The following GMEB2 variants were observed in gnomAD, a reference collection of about 807,000 sequenced individuals.
The protein encoded by GMEB2 is glucocorticoid modulatory element binding protein 2.
GMEB2 carries 7 observed loss-of-function variants against 45.7 expected under a neutral mutation model. The ratio of observed to expected loss-of-function variants is 0.15; its 90% CI spans 0.09 to 0.29. The LOEUF is 0.29. GMEB2 is among the 10% of genes least tolerant of loss of function. The pLI, the probability that GMEB2 is intolerant of heterozygous loss-of-function variation, is 1.00. For synonymous variants in GMEB2, 322 were observed against 323.6 expected (o/e 1.00, Z 0.05); for missense variants, 582 against 739.2 (o/e 0.79, Z 2.47).
chr20:63,619,341 C>G lies in GMEB2; in HGVS notation c.57G>C (p.Pro19=), dbSNP rs777072550. 6.2e-7 allele frequency: 1 copy of G among 1,612,966 alleles called. No individual in the cohort carries two copies. Among genetic ancestry groups the G allele is most frequent in the Non-Finnish European group, 8.5e-7 (1 of 1,179,820 alleles). ...CACCACTGCCGTCCACTGCAGTGTC[C>G]GGAGTTGTCACAACCACCACCTCCT... ...HMEEVVVVTT[P]DTAVDGSGVE... is the part of the protein sequence containing the mutation. Residue 19 remains proline, a synonymous_variant, in exon 2 of 10, where the codon CCG becomes CCC. Transcript: ENST00000370077. The surrounding 1 kb of genome is among the most constrained non-coding windows in gnomAD (Gnocchi z 4.6).
intron 2 of GMEB2, among the ~76,000 whole-genome samples, chr20:63,618,520 G>A (rs1298419628): frequency 6.6e-6 from 1 of 152,220 alleles, no homozygotes; most frequent in Non-Finnish European, 1.5e-5. Flanking sequence ...CCGCACAGGG[G>A]TTGGCAGTCT....
intron 4 of GMEB2, among the ~76,000 whole-genome samples, chr20:63,598,739 T>G (rs2083218858): frequency 6.6e-6 from 1 of 152,172 alleles, no homozygotes. Flanking sequence ...CTCATGCGGC[T>G]GATCAGGGAG....
chr20:63,611,238 C>G (rs955740548), intron 2 of GMEB2, among the ~76,000 whole-genome samples: 7 of 152,248 alleles, frequency 4.6e-5, no homozygotes, highest in African/African-American at 1.7e-4. Flanking sequence ...CATCCCAGAC[C>G]CGGCTCTTGT....
rs1378332429 is a variant in GMEB2 at position 63,588,259 on chromosome 20, C to G, written c.*1830G>C. 6.5e-6 allele frequency: 1 copy of G among 153,552 alleles called. No individual in the cohort carries two copies. Among genetic ancestry groups the G allele is most frequent in the African/African-American group, 2.4e-5 (1 of 41,508 alleles). The allele number at this position is 153,552 out of a possible 1,614,324, so 9.5% of individuals were successfully genotyped here. A position where few individuals can be genotyped will look rare whatever the true frequency, so the allele number is the denominator to read the frequency against. On this transcript the variant is annotated 3_prime_UTR_variant, in exon 10 of 10. Transcript: ENST00000370077. ...ATGAACCCACAACCCACTGGAAGTTCTGTTGACGAGGGCTGTCAAGGCAGA... is the reference window on the plus strand; with the variant it reads ...ATGAACCCACAACCCACTGGAAGTTGTGTTGACGAGGGCTGTCAAGGCAGA...
intron 5 of GMEB2, among the ~76,000 whole-genome samples, chr20:63,596,815 C>T (rs919921369): frequency 3.3e-5 from 5 of 152,126 alleles, no homozygotes; most frequent in East Asian, 3.8e-4. Context: ...GTCAAGTGTT[C>T]GAGACCAGCC....
chr20:63,619,560 C>T lies in GMEB2; in HGVS notation c.-57-106G>A. 1.7e-6 allele frequency: 1 copy of T among 588,458 alleles called. No individual in the cohort carries two copies. Among genetic ancestry groups the T allele is most frequent in the South Asian group, 2.4e-5 (1 of 41,400 alleles). The allele number at this position is 588,458 out of a possible 1,614,324, so 36.5% of individuals were successfully genotyped here. ...CAGCTCCAAAGACCCACCCTTGAGT[C>T]CCAGACTGCTACCTCCTGACAAAAA... On this transcript the variant is annotated intron_variant, in intron 1 of 9. Transcript: ENST00000370077. This position sits in a 1 kb window ranked among gnomAD's most constrained non-coding sequence, Gnocchi z 4.6.
Position 63,595,727 on chromosome 20 carries a change from C to G in GMEB2, c.502G>C (p.Asp168His). The G allele has an allele frequency of 6.2e-7, 1 of 1,613,522 alleles. No individual in the cohort carries two copies. The highest frequency in any genetic ancestry group is 8.5e-7 in the Non-Finnish European group (1 of 1,179,436). Residue 168 changes from aspartate (D) to histidine (H), a missense_variant, in exon 6 of 10, where the codon GAC (aspartate) becomes CAC (histidine). Coordinates refer to ENST00000370077, the MANE Select transcript of GMEB2 (RefSeq NM_012384.5). ...CGGCAGGTGTTGGAGCAGACCTTGT[C>G]ATGCTGGTAGAAGTCCAGTTCCCCG... ...DSGELDFYQH[D>H]KVCSNTCRST...
chr20:63,604,914 A>G (rs927582933), intron 2 of GMEB2, 74 bp from the exon 3 acceptor site: 2 of 861,536 alleles, frequency 2.3e-6, no homozygotes, highest in African/African-American at 3.3e-5. Context: ...TATTTTCCTG[A>G]CAGCGCTTTG....
chr20:63,624,500 TC>T (rs1369819282), intron 1 of GMEB2, among the ~76,000 whole-genome samples: 1 of 152,086 alleles, frequency 6.6e-6, no homozygotes. Flanking sequence ...TGCTGACTTC[TC>T]GGGGTTTAAC....
At chr20:63,610,122 T>C (rs2089557914) in intron 2 of GMEB2, among the ~76,000 whole-genome samples, 1 of 152,210 alleles carries the variant, frequency 6.6e-6, no homozygotes. Context: ...GGGGAGATGA[T>C]GTGGAGAAGC....
At chr20:63,610,809 C>G (rs1384552479) in intron 2 of GMEB2, among the ~76,000 whole-genome samples, 2 of 152,212 alleles carry the variant, frequency 1.3e-5, no homozygotes, top group Non-Finnish European at 1.5e-5. Flanking sequence ...TCCATCAAGA[C>G]AGGGGGCTAT....
chr20:63,592,460 G>T lies in GMEB2; in HGVS notation c.829+73C>A. The stretch of plus-strand genomic sequence containing the variant: ...AGCACAGAAGGGCCTAGGGGCAGGA[G>T]GGCCAGTGGCCTCACCTCCTGCAGA... On this transcript the variant is annotated intron_variant, in intron 8 of 9. Transcript: ENST00000370077. The surrounding 1 kb of genome is among the most constrained non-coding windows in gnomAD (Gnocchi z 8.2). 1 of 1,190,856 alleles carries T rather than the reference G, an allele frequency of 8.4e-7. No individual in the cohort carries two copies. Among genetic ancestry groups the T allele is most frequent in the Non-Finnish European group, 1.2e-6 (1 of 825,470 alleles). 73.8% of individuals were successfully genotyped at this position (1,190,856 alleles called of 1,614,324 possible). A position where few individuals can be genotyped will look rare whatever the true frequency, so the allele number is the denominator to read the frequency against.
rs2083166047 is a variant in GMEB2 at position 63,593,280 on chromosome 20, T to G, written c.620-198A>C. Among the ~76,000 whole-genome samples the G allele has an allele frequency of 1.3e-5, 2 of 152,240 alleles. No individual in the cohort carries two copies. Among genetic ancestry groups the G allele is most frequent in the African/African-American group, 4.8e-5 (2 of 41,556 alleles). ...TGGCTATTTTTAATCACAGACGTTG[T>G]CAAACATACAAAGGAGAAACAACGC... On this transcript the variant is annotated intron_variant, in intron 6 of 9. Transcript: ENST00000370077. This position sits in a 1 kb window ranked among gnomAD's most constrained non-coding sequence, Gnocchi z 4.7.
intron 2 of GMEB2, among the ~76,000 whole-genome samples, chr20:63,608,614 C>T (rs1448287422): frequency 4.3e-5 from 2 of 46,840 alleles, no homozygotes; most frequent in African/African-American, 1.5e-4. Context: ...TTTCTAGAAA[C>T]ATGCCCCTCT....
intron 4 of GMEB2, among the ~76,000 whole-genome samples, chr20:63,599,796 A>G (rs1322219102): frequency 6.6e-6 from 1 of 151,968 alleles, no homozygotes; most frequent in Non-Finnish European, 1.5e-5. Flanking sequence ...TGCGTTCCGG[A>G]CTCACTGCCT....
chr20:63,597,169 T>G (rs534636098), intron 5 of GMEB2, among the ~76,000 whole-genome samples: 7 of 149,194 alleles, frequency 4.7e-5, no homozygotes, highest in Non-Finnish European at 9.0e-5. Context: ...TTCTTGTTTT[T>G]TTTTTTTTTT....
At chr20:63,599,817 GC>G (rs1395832904) in intron 4 of GMEB2, among the ~76,000 whole-genome samples, 1 of 152,154 alleles carries the variant, frequency 6.6e-6, no homozygotes, top group Non-Finnish European at 1.5e-5. Context: ...GCTCCCGTCT[GC>G]CCCCTTGCCC....
In GMEB2 at chr20:63,590,437, A is replaced by T; in HGVS notation, c.1245T>A (p.Leu415=). ...LPSTVLGKGS[L]QAPPASSPAS... ...CCGGGGAGCTGGCGGGGGGCGCCTG[A>T]AGGGAACCCTTGCCCAGGACGGTGG... The change falls in exon 10 of 10, where the codon CTT becomes CTA. Residue 415 remains leucine (L), a synonymous_variant. Transcript: ENST00000370077. 6.5e-7 allele frequency: 1 copy of T among 1,545,118 alleles called. No homozygotes were observed. The highest frequency in any genetic ancestry group is 8.8e-7 in the Non-Finnish European group (1 of 1,140,532).
rs1015432314 is a variant in GMEB2 at position 63,619,638 on chromosome 20, C to T, written c.-57-184G>A. 2.7e-5 allele frequency: 10 copies of T among 374,152 alleles called. No homozygotes were observed. The highest frequency in any genetic ancestry group is 4.9e-5 in the Non-Finnish European group (10 of 203,064). 23.2% of individuals were successfully genotyped at this position (374,152 alleles called of 1,614,324 possible). A position where few individuals can be genotyped will look rare whatever the true frequency, so the allele number is the denominator to read the frequency against. On this transcript the variant is annotated intron_variant, in intron 1 of 9. Transcript: ENST00000370077. The surrounding 1 kb of genome is among the most constrained non-coding windows in gnomAD (Gnocchi z 4.6). ...GCTCTGGTTCCGAGGGCGGTGTAAG[C>T]GCACTCCACCCGTTTTTCCCACTGG... is the stretch of plus-strand genomic sequence containing the variant.
Sources: allele counts gnomAD v4.1 joint callset (sites outside exome capture counted in the v4.1 genomes callset), GRCh38; gene constraint gnomAD v4.1.1; non-coding constraint Gnocchi (gnomAD v3.1); transcripts MANE v1.5; gene names NCBI Gene and HGNC (gene_info 2026-07-23, HGNC 2026-07-21).